The following CDCA7L variants were observed in gnomAD, a reference collection of about 807,000 sequenced individuals.
The protein encoded by CDCA7L is cell division cycle-associated 7-like protein.
In CDCA7L, 44 loss-of-function variants were observed where a neutral mutation model predicts 57.4. The ratio of observed to expected loss-of-function variants is 0.77; its 90% CI spans 0.60 to 0.98. CDCA7L has a LOEUF of 0.98. Among genes scored for constraint, CDCA7L ranks in the 50% least tolerant of loss-of-function variants. The pLI is 0.00. For synonymous variants in CDCA7L, 236 were observed against 202.8 expected, an observed-to-expected ratio of 1.16 and a Z score of -1.39; for missense variants, 644 against 580.6, an observed-to-expected ratio of 1.11 and a Z score of -1.12.
At chr7:21,944,652 G>A (rs1442430697) in intron 1 of CDCA7L, 1 of 152,138 alleles carries the variant, frequency 6.6e-6, no homozygotes, top group Non-Finnish European at 1.5e-5. Flanking sequence ...GAAGGCTTCA[G>A]AAATTACTAA....
chr7:21,935,001 A>T (rs1347305168), intron 1 of CDCA7L, among the ~76,000 whole-genome samples: 1 of 152,216 alleles, frequency 6.6e-6, no homozygotes, highest in Admixed American at 6.5e-5. Flanking sequence ...AACAGTGAAC[A>T]GAACAAGACA....
chr7:21,908,111 G>A lies in CDCA7L; in HGVS notation c.681+19C>T, dbSNP rs1172323766. 17 of 1,498,042 alleles carry A rather than the reference G, an allele frequency of 1.1e-5. No homozygotes were observed. The highest frequency in any genetic ancestry group is 1.4e-5 in the African/African-American group (1 of 70,966). The allele number at this position is 1,498,042 out of a possible 1,614,324, so 92.8% of individuals were successfully genotyped here. ...AGAGCCTGGTGCCAACTCCCAGGAC[G>A]CCCTCCGTGAAGCCTCACCATGGCT... is the stretch of plus-strand genomic sequence containing the variant. On this transcript the variant is annotated intron_variant, in intron 4 of 9. Coordinates refer to ENST00000406877, the MANE Select transcript of CDCA7L (RefSeq NM_018719.5).
At chr7:21,929,321 C>A (rs531166760) in intron 1 of CDCA7L, among the ~76,000 whole-genome samples, 1 of 152,126 alleles carries the variant, frequency 6.6e-6, no homozygotes, top group African/African-American at 2.4e-5. Flanking sequence ...AACATGGAAA[C>A]GAAAAACTGG....
chr7:21,906,415 G>A lies in CDCA7L; in HGVS notation c.795C>T (p.Ile265=), dbSNP rs201719647. Residue 265 remains isoleucine, a synonymous_variant, in exon 6 of 10, where the codon ATC becomes ATT. Coordinates refer to ENST00000406877, the MANE Select transcript of CDCA7L (RefSeq NM_018719.5). The part of the protein sequence containing the change: ...TVRRAFSEGQ[I]TRRMNPTRSA... ...TCCGGGTTGGGTTCATACGCCGCGT[G>A]ATCTGTCCCTCCGAGAAGGCCCGCC... The A allele has an allele frequency of 1.2e-6, 2 of 1,612,512 alleles. No homozygotes were observed. The highest frequency in any genetic ancestry group is 3.3e-5 in the Admixed American group (2 of 59,758).
At position 21,900,962 on chromosome 7, in the gene CDCA7L, G is replaced by A; in HGVS notation, c.*1360C>T. On this transcript the variant is annotated 3_prime_UTR_variant, in exon 10 of 10. Coordinates refer to ENST00000406877, the MANE Select transcript of CDCA7L (RefSeq NM_018719.5). Reference sequence around the variant, plus strand: ...ACAACTTACTTGATCATTATCATTAGTAGCAAGCTGCCACACAATTGCAAC... The same window carrying A: ...ACAACTTACTTGATCATTATCATTAATAGCAAGCTGCCACACAATTGCAAC... 4 of 1,521,578 alleles carry A rather than the reference G, an allele frequency of 2.6e-6. No individual in the cohort carries two copies. Among genetic ancestry groups the A allele is most frequent in the Admixed American group, 2.2e-5 (1 of 46,230 alleles). 94.3% of individuals were successfully genotyped at this position (1,521,578 alleles called of 1,614,324 possible). A position where few individuals can be genotyped will look rare whatever the true frequency, so the allele number is the denominator to read the frequency against.
Position 21,900,988 on chromosome 7 carries a change from C to G in CDCA7L, c.*1334G>C, listed in dbSNP as rs141951506. 12 of 1,558,376 alleles carry G rather than the reference C, an allele frequency of 7.7e-6. No individual in the cohort carries two copies. The highest frequency in any genetic ancestry group is 2.3e-5 in the East Asian group (1 of 44,110). On this transcript the variant is annotated 3_prime_UTR_variant, in exon 10 of 10. Coordinates refer to ENST00000406877, the MANE Select transcript of CDCA7L (RefSeq NM_018719.5). ...TAGCAAGCTGCCACACAATTGCAAC[C>G]GCTGTGTTTTTGCCATAGGCGCCCG...
chr7:21,938,134 A>G (rs1386338238), intron 1 of CDCA7L, among the ~76,000 whole-genome samples: 1 of 152,194 alleles, frequency 6.6e-6, no homozygotes, highest in African/African-American at 2.4e-5. Context: ...ATATAGAATG[A>G]GAGAAAATAT....
At chr7:21,911,960 C>CCA (rs1035447255) in intron 2 of CDCA7L, among the ~76,000 whole-genome samples, 15 of 144,220 alleles carry the variant, frequency 1.0e-4, no homozygotes, top group Non-Finnish European at 2.2e-4. Flanking sequence ...GTGTATTTTA[C>CCA]CACAAAAAAA....
At chr7:21,919,829 A>G (rs567557601) in intron 1 of CDCA7L, among the ~76,000 whole-genome samples, 35 of 152,258 alleles carry the variant, frequency 2.3e-4, no homozygotes, top group Non-Finnish European at 4.1e-4. Flanking sequence ...GCAGTTCAAG[A>G]TTTCTTTGCA....
chr7:21,902,254 G>GCACCAATGAAATCTTTCTTAGA lies in CDCA7L; in HGVS notation c.*67_*68insTCTAAGAAAGATTTCATTGGTG. The GCACCAATGAAATCTTTCTTAGA allele has an allele frequency of 7.3e-7, 1 of 1,377,268 alleles. No individual in the cohort carries two copies. Among genetic ancestry groups the GCACCAATGAAATCTTTCTTAGA allele is most frequent in the Non-Finnish European group, 1.0e-6 (1 of 969,852 alleles). 85.3% of individuals were successfully genotyped at this position (1,377,268 alleles called of 1,614,324 possible). A position where few individuals can be genotyped will look rare whatever the true frequency, so the allele number is the denominator to read the frequency against. ...ACAACTGTAAAAAAATCTTTCTTAG[G>GCACCAATGAAATCTTTCTTAGA]CACCAATGGTATGCATGTCTTGTTG... On this transcript the variant is annotated 3_prime_UTR_variant, in exon 10 of 10. Transcript: ENST00000406877.
chr7:21,922,006 C>A (rs1014206809), intron 1 of CDCA7L, among the ~76,000 whole-genome samples: 2 of 152,144 alleles, frequency 1.3e-5, no homozygotes, highest in African/African-American at 4.8e-5. Context: ...TAACATAGAG[C>A]CCAGCCTAAA....
intron 2 of CDCA7L, 40 bp downstream of exon 2, chr7:21,916,714 C>T: frequency 6.3e-7 from 1 of 1,594,760 alleles, no homozygotes; most frequent in South Asian, 1.1e-5. Flanking sequence ...AGATTCAGGC[C>T]TCCAGATGAA....
intron 1 of CDCA7L, among the ~76,000 whole-genome samples, chr7:21,926,582 G>C (rs752562120): frequency 6.6e-6 from 1 of 152,090 alleles, no homozygotes; most frequent in Non-Finnish European, 1.5e-5. Flanking sequence ...CCAAAAATAG[G>C]TAATACTGGC....
At chr7:21,945,048 CTTT>C (rs1158245108) in intron 1 of CDCA7L, among the ~76,000 whole-genome samples, 3 of 152,146 alleles carry the variant, frequency 2.0e-5, no homozygotes, top group Admixed American at 2.0e-4. Flanking sequence ...GAGAAAAGCT[CTTT>C]TAAGAAGTAA....
intron 7 of CDCA7L, among the ~76,000 whole-genome samples, chr7:21,905,157 TA>T (rs375343357): frequency 2.0e-5 from 3 of 152,198 alleles, no homozygotes; most frequent in African/African-American, 7.2e-5. Flanking sequence ...TGCCAAACTT[TA>T]ATTTCTATGG....
At chr7:21,906,256 C>G (rs372949340) in intron 6 of CDCA7L, 33 bp downstream of exon 6, 8 of 1,557,290 alleles carry the variant, frequency 5.1e-6, no homozygotes, top group Non-Finnish European at 7.0e-6. Context: ...GTAGCTCAGA[C>G]AAAAACTAAT....
chr7:21,926,186 G>A (rs1428355215), intron 1 of CDCA7L, among the ~76,000 whole-genome samples: 1 of 152,062 alleles, frequency 6.6e-6, no homozygotes, highest in Non-Finnish European at 1.5e-5. Context: ...ATAAGAAAAC[G>A]ATCTGTTTTT....
chr7:21,919,844 T>C (rs1441300425), intron 1 of CDCA7L, among the ~76,000 whole-genome samples: 2 of 152,210 alleles, frequency 1.3e-5, no homozygotes, highest in Non-Finnish European at 2.9e-5. Context: ...TTTGCAGTTC[T>C]TTCTAGCCCT....
At chr7:21,931,296 A>T (rs572089528) in intron 1 of CDCA7L, among the ~76,000 whole-genome samples, 2 of 152,352 alleles carry the variant, frequency 1.3e-5, no homozygotes, top group South Asian at 4.1e-4. Context: ...CATCATCCTG[A>T]TACCAAAACC....
Sources: allele counts gnomAD v4.1 joint callset (sites outside exome capture counted in the v4.1 genomes callset), GRCh38; gene constraint gnomAD v4.1.1; transcripts MANE v1.5; gene names NCBI Gene and HGNC (gene_info 2026-07-23, HGNC 2026-07-21).